MACF1: variants seen among roughly 807,000 people sequenced by gnomAD.
MACF1 encodes microtubule actin crosslinking factor 1, also known as microtubule-actin cross-linking factor 1.
A neutral mutation model predicts 854.8 loss-of-function variants in MACF1; 193 were observed. That is an observed-to-expected ratio of 0.23 (90% CI 0.20 to 0.25). The LOEUF (loss-of-function observed/expected upper bound fraction) is 0.25, where lower values mean the gene tolerates loss of function less well. Among genes scored for constraint, MACF1 ranks in the 10% least tolerant of loss-of-function variants. MACF1 has a pLI of 1.00. For synonymous variants in MACF1, 3,185 were observed against 3,226.7 expected, an observed-to-expected ratio of 0.99 and a Z score of 0.44; for missense variants, 7,722 against 8,929.1, an observed-to-expected ratio of 0.86 and a Z score of 5.45.
In MACF1 at chr1:39,296,843, GAA is replaced by G. The variant is rs1491093904; in HGVS notation, c.2356-774_2356-773del. 1.8e-4 allele frequency among the ~76,000 whole-genome samples: 24 copies of G among 132,336 alleles called. 1 individual carries two copies. The highest frequency in any genetic ancestry group is 3.5e-4 in the Non-Finnish European group (22 of 62,476). 86.8% of individuals were successfully genotyped at this position (132,336 alleles called of 152,430 possible). On this transcript the variant is annotated intron_variant, in intron 20 of 100. Transcript: ENST00000564288. ...GGAAGGAAGGAAGGAAGGAAGGAAG[GAA>G]AAGAAAGAAAGAGAGAAAGAATGTA... is the stretch of plus-strand genomic sequence containing the variant.
At chr1:39,152,452 T>C (rs989796712) in intron 2 of MACF1, among the ~76,000 whole-genome samples, 2 of 152,226 alleles carry the variant, frequency 1.3e-5, no homozygotes, top group African/African-American at 2.4e-5. Context: ...ATTTCAAGCA[T>C]ATAGACAAGT....
intron 1 of MACF1, among the ~76,000 whole-genome samples, chr1:39,216,071 A>G (rs1644574360): frequency 2.0e-5 from 3 of 152,158 alleles, no homozygotes; most frequent in Admixed American, 2.0e-4. Context: ...TTTTGGCCGT[A>G]GGTTTCCTTG....
intron 58 of MACF1, among the ~76,000 whole-genome samples, chr1:39,418,862 CAA>C (rs199994964): frequency 2.9e-5 from 4 of 137,278 alleles, no homozygotes; most frequent in Non-Finnish European, 1.6e-5. Flanking sequence ...GACCCTGTCT[CAA>C]AAAAAAAAAA....
chr1:39,481,452 C>T (rs535941740), intron 99 of MACF1, among the ~76,000 whole-genome samples: 6 of 152,134 alleles, frequency 3.9e-5, no homozygotes, highest in Non-Finnish European at 8.8e-5. Flanking sequence ...GAGTGGTTGG[C>T]GCCACCTGCC....
At chr1:39,440,111 C>CTTTTCTT (rs1553414036) in intron 72 of MACF1, among the ~76,000 whole-genome samples, 10 of 64,572 alleles carry the variant, frequency 1.5e-4, no homozygotes, top group Non-Finnish European at 3.1e-4. Context: ...CTTTTCTTTT[C>CTTTTCTT]TTTTTTTTTT....
At chr1:39,456,859 T>C (rs962377710) in intron 89 of MACF1, 3 of 151,952 alleles carry the variant, frequency 2.0e-5, no homozygotes, top group African/African-American at 7.3e-5. Context: ...TCCAACAGAG[T>C]TTTTTCAGTC....
chr1:39,165,247 T>G (rs16825863), intron 2 of MACF1, among the ~76,000 whole-genome samples: 4,783 of 152,178 alleles, frequency 0.031, 242 homozygotes, highest in African/African-American at 0.11. Context: ...AAAGCTGTCA[T>G]AAAAGGGCGA....
At chr1:39,450,212 C>G (rs934494401) in intron 84 of MACF1, among the ~76,000 whole-genome samples, 1 of 151,964 alleles carries the variant, frequency 6.6e-6, no homozygotes. Flanking sequence ...CCAGGCTGTT[C>G]TGTAACTCCT....
chr1:39,447,760 A>G lies in MACF1; in HGVS notation c.19830A>G (p.Leu6610=), dbSNP rs760762323. ...IIELDQTGNQ[L]KFLSQKQDVV... Reference sequence around the variant, plus strand: ...AGCTGGATCAAACTGGGAATCAATTAAAGTTCCTTAGCCAAAAGCAGGATG... The same window carrying G: ...AGCTGGATCAAACTGGGAATCAATTGAAGTTCCTTAGCCAAAAGCAGGATG... The change falls in exon 82 of 101, where the codon TTA becomes TTG. Residue 6610 remains leucine (L), a synonymous_variant. Coordinates refer to ENST00000564288, the MANE Select transcript of MACF1 (RefSeq NM_001394062.1). The G allele has an allele frequency of 2.5e-6, 4 of 1,614,016 alleles. No homozygotes were observed. The South Asian group carries it at 3.3e-5, about 13-fold the overall frequency.
chr1:39,471,754 C>G (rs1029876410), intron 97 of MACF1, among the ~76,000 whole-genome samples: 2 of 151,992 alleles, frequency 1.3e-5, no homozygotes, highest in African/African-American at 4.8e-5. Context: ...ATTAGCTCCC[C>G]CAGATAAGTG....
At chr1:39,120,940 A>T (rs1642688903) in intron 2 of MACF1, 1 of 152,364 alleles carries the variant, frequency 6.6e-6, no homozygotes, top group South Asian at 2.1e-4. Context: ...ACTATTTTTT[A>T]AAAATGTGGA....
chr1:39,299,374 C>G (rs1645995029), intron 21 of MACF1: 2 of 440,722 alleles, frequency 4.5e-6, no homozygotes, highest in Non-Finnish European at 4.5e-6. Context: ...TAAGAAAGCC[C>G]TCTTCTGGGG....
chr1:39,258,956 AG>A (rs1027339569), intron 6 of MACF1, among the ~76,000 whole-genome samples: 2 of 152,228 alleles, frequency 1.3e-5, no homozygotes, highest in African/African-American at 4.8e-5. Context: ...CAGCATGGAC[AG>A]GGCTAGGATT....
intron 2 of MACF1, among the ~76,000 whole-genome samples, chr1:39,163,360 A>AT (rs376459592): frequency 0.024 from 3,503 of 144,342 alleles, 123 homozygotes; most frequent in African/African-American, 0.074. Context: ...AAAAAAAAAA[A>AT]GAAAAGAAAA....
chr1:39,250,186 A>T, intron 3 of MACF1, 83 bp downstream of exon 3: 1 of 852,056 alleles, frequency 1.2e-6, no homozygotes, highest in Non-Finnish European at 1.9e-6. Flanking sequence ...CAAGGGCAGC[A>T]GCCATCACTG....
chr1:39,425,208 C>T (rs746391830), intron 61 of MACF1, among the ~76,000 whole-genome samples: 1 of 152,008 alleles, frequency 6.6e-6, no homozygotes, highest in African/African-American at 2.4e-5. Context: ...TAAATTCTGT[C>T]TATTTTACTT....
intron 2 of MACF1, among the ~76,000 whole-genome samples, chr1:39,120,300 T>C (rs1642666407): frequency 6.6e-6 from 1 of 152,228 alleles, no homozygotes; most frequent in African/African-American, 2.4e-5. Context: ...ATAATTCTAC[T>C]TCACCTGACT....
At chr1:39,123,628 T>C (rs1642777520) in intron 2 of MACF1, among the ~76,000 whole-genome samples, 1 of 149,672 alleles carries the variant, frequency 6.7e-6, no homozygotes, top group African/African-American at 2.5e-5. Flanking sequence ...AGCCTCAATC[T>C]CCCCGGGCTC....
At chr1:39,480,221 G>A in intron 98 of MACF1, 1 of 426,032 alleles carries the variant, frequency 2.3e-6, no homozygotes, top group Non-Finnish European at 4.4e-6. Context: ...TGACTCCAAA[G>A]GACATTTATT....
Sources: gnomAD v4.1 joint callset for allele counts (sites outside exome capture counted in the v4.1 genomes callset) on GRCh38, gnomAD v4.1.1 for gene constraint, MANE v1.5 for transcripts, NCBI Gene and HGNC (gene_info 2026-07-23, HGNC 2026-07-21) for gene names.